The following GRIN2B variants were observed in gnomAD, a reference collection of about 807,000 sequenced individuals.
The protein encoded by GRIN2B is glutamate receptor ionotropic, NMDA 2B.
In GRIN2B, 5 loss-of-function variants were observed where a neutral mutation model predicts 114.5. That is an observed-to-expected ratio of 0.04 (90% CI 0.02 to 0.09). The LOEUF is 0.09. GRIN2B is among the 10% of genes least tolerant of loss of function. The pLI, the probability that GRIN2B is intolerant of heterozygous loss-of-function variation, is 1.00. For missense variants in GRIN2B, 1,108 were observed against 1,943.5 expected (o/e 0.57, Z 8.08); for synonymous variants, 787 against 745.1 (o/e 1.06, Z -0.92).
chr12:13,972,234 T>C (rs1862935668), intron 2 of GRIN2B, among the ~76,000 whole-genome samples: 1 of 152,216 alleles, frequency 6.6e-6, no homozygotes, highest in African/African-American at 2.4e-5. Flanking sequence ...TCTTGTTTAG[T>C]TTTTTGTATT....
chr12:13,589,179 C>T (rs912432802), intron 10 of GRIN2B, among the ~76,000 whole-genome samples: 55 of 152,132 alleles, frequency 3.6e-4, no homozygotes, highest in Non-Finnish European at 1.0e-4. Flanking sequence ...TATTCAATAA[C>T]GATTAAGCTA....
At chr12:13,795,738 A>C in intron 3 of GRIN2B, among the ~76,000 whole-genome samples, 1 of 152,190 alleles carries the variant, frequency 6.6e-6, no homozygotes, top group Non-Finnish European at 1.5e-5. Flanking sequence ...TACACCATGG[A>C]ATACTATGCA....
chr12:13,917,752 T>C (rs1591620450), intron 2 of GRIN2B, among the ~76,000 whole-genome samples: 1 of 152,240 alleles, frequency 6.6e-6, no homozygotes, highest in Non-Finnish European at 1.5e-5. Flanking sequence ...AACCAGCCTA[T>C]AATTTTTGGA....
At chr12:13,645,799 C>T (rs993372250) in intron 5 of GRIN2B, among the ~76,000 whole-genome samples, 9 of 152,026 alleles carry the variant, frequency 5.9e-5, no homozygotes, top group Admixed American at 2.0e-4. Context: ...TTTCTCCTGT[C>T]CAATTCACTG....
At chr12:13,700,773 A>G (rs558873414) in intron 4 of GRIN2B, among the ~76,000 whole-genome samples, 7 of 152,338 alleles carry the variant, frequency 4.6e-5, no homozygotes, top group Admixed American at 3.3e-4. Context: ...AATTGTTAGC[A>G]GATAAATAAG....
rs565732754 is a variant in GRIN2B, at chr12:13,721,130, C to A, written c.1010+32187G>T. On this transcript the variant is annotated intron_variant, in intron 4 of 13. Coordinates refer to ENST00000609686, the MANE Select transcript of GRIN2B (RefSeq NM_000834.5). ...GACCTAAATGGCAAGAGTGAGCTGGCAATATGAAAAACATGCCAAGGAGAG... is the reference window on the plus strand; with the variant it reads ...GACCTAAATGGCAAGAGTGAGCTGGAAATATGAAAAACATGCCAAGGAGAG... Among the ~76,000 whole-genome samples the A allele has an allele frequency of 2.0e-5, 3 of 151,800 alleles. No individual in the cohort carries two copies. The East Asian group carries it at 5.9e-4, about 30-fold the overall frequency.
At chr12:13,870,173 T>C (rs953760110) in intron 2 of GRIN2B, among the ~76,000 whole-genome samples, 1 of 152,142 alleles carries the variant, frequency 6.6e-6, no homozygotes, top group Non-Finnish European at 1.5e-5. Flanking sequence ...AGATGTCCCA[T>C]AATGGCCTCG....
intron 2 of GRIN2B, among the ~76,000 whole-genome samples, chr12:13,882,407 C>T (rs768379473): frequency 6.6e-6 from 1 of 152,078 alleles, no homozygotes; most frequent in Non-Finnish European, 1.5e-5. Context: ...TAAGCCATAA[C>T]AAACAAATAA....
intron 3 of GRIN2B, among the ~76,000 whole-genome samples, chr12:13,768,580 G>C (rs1217341582): frequency 6.6e-6 from 1 of 152,234 alleles, no homozygotes; most frequent in Non-Finnish European, 1.5e-5. Flanking sequence ...GGAAGACCCA[G>C]TAGGGAGCCA....
intron 5 of GRIN2B, among the ~76,000 whole-genome samples, chr12:13,671,139 C>T (rs922457402): frequency 1.3e-5 from 2 of 151,978 alleles, no homozygotes; most frequent in African/African-American, 4.8e-5. Flanking sequence ...CTCTTTTGTG[C>T]CATTTGATTT....
chr12:13,684,897 C>G (rs1318743230), intron 4 of GRIN2B, among the ~76,000 whole-genome samples: 1 of 152,126 alleles, frequency 6.6e-6, no homozygotes, highest in African/African-American at 2.4e-5. Context: ...GCTTGTCTTT[C>G]TGACATCCAT....
chr12:13,934,736 T>G (rs1406916554), intron 2 of GRIN2B, among the ~76,000 whole-genome samples: 4 of 144,202 alleles, frequency 2.8e-5, no homozygotes, highest in African/African-American at 1.2e-4. Flanking sequence ...TCCTGACGCC[T>G]GGCTTCCACT....
At chr12:13,602,462 T>C (rs1355364942) in intron 10 of GRIN2B, among the ~76,000 whole-genome samples, 1 of 152,206 alleles carries the variant, frequency 6.6e-6, no homozygotes, top group Admixed American at 6.5e-5. Flanking sequence ...GTTGGCTGTC[T>C]CCTGCTGGCT....
chr12:13,804,303 A>C (rs190502080), intron 3 of GRIN2B, among the ~76,000 whole-genome samples: 238 of 150,200 alleles, frequency 1.6e-3, no homozygotes, highest in African/African-American at 5.8e-3. Flanking sequence ...TGCTCTTCTC[A>C]CTTCCCAGGG....
rs1000898894 is a variant in GRIN2B, at chr12:13,693,966, A to G, written c.1011-18107T>C. Reference sequence around the variant, plus strand: ...AGTCTGCTCTCAGATGCACTCTCCTATAAATTCTGGGTGGAAGGGATAGAG... The same window carrying G: ...AGTCTGCTCTCAGATGCACTCTCCTGTAAATTCTGGGTGGAAGGGATAGAG... On this transcript the variant is annotated intron_variant, in intron 4 of 13. Transcript: ENST00000609686. Among the ~76,000 whole-genome samples the G allele has an allele frequency of 2.0e-4, 31 of 152,178 alleles. 1 individual carries two copies.
chr12:13,751,276 A>G (rs189400588), intron 4 of GRIN2B, among the ~76,000 whole-genome samples: 27 of 152,340 alleles, frequency 1.8e-4, no homozygotes, highest in Middle Eastern at 3.4e-3. Flanking sequence ...GGACCTCATT[A>G]AAGGAGCAAT....
intron 5 of GRIN2B, among the ~76,000 whole-genome samples, chr12:13,648,542 C>T (rs146415070): frequency 1.4e-3 from 214 of 151,990 alleles, no homozygotes; most frequent in African/African-American, 4.6e-3. Flanking sequence ...ATAAGAAGTC[C>T]TAGGATTTAA....
intron 5 of GRIN2B, among the ~76,000 whole-genome samples, chr12:13,657,854 A>G (rs1354929035): frequency 1.3e-5 from 2 of 152,226 alleles, no homozygotes; most frequent in East Asian, 3.8e-4. Context: ...ATAGATTATA[A>G]AACAGGATGT....
chr12:13,692,760 C>CTTTTTTTTTTTTTTTTTTTTTTTTTTTTT (rs71067718), intron 4 of GRIN2B, among the ~76,000 whole-genome samples: 1 of 52,132 alleles, frequency 1.9e-5, no homozygotes, highest in Non-Finnish European at 3.6e-5. Context: ...TCTTTCTTTT[C>CTTTTTTTTTTTTTTTTTTTTTTTTTTTTT]TTTTTTTTTT....
Sources: allele counts gnomAD v4.1 joint callset (sites outside exome capture counted in the v4.1 genomes callset), GRCh38; gene constraint gnomAD v4.1.1; transcripts MANE v1.5; gene names NCBI Gene and HGNC (gene_info 2026-07-23, HGNC 2026-07-21).